The following SEMA6D variants were observed in gnomAD, a reference collection of about 807,000 sequenced individuals.
The protein encoded by SEMA6D is semaphorin-6D.
SEMA6D carries 35 observed loss-of-function variants against 106.6 expected under a neutral mutation model. That is an observed-to-expected ratio of 0.33 (90% confidence interval 0.25 to 0.44). The LOEUF (loss-of-function observed/expected upper bound fraction) is 0.44. SEMA6D is among the 20% of genes least tolerant of loss of function. The pLI is 1.00. For synonymous variants in SEMA6D, 499 were observed against 487.7 expected, an observed-to-expected ratio of 1.02 and a Z score of -0.31; for missense variants, 1,185 against 1,345.9, an observed-to-expected ratio of 0.88 and a Z score of 1.87.
chr15:47,227,088 C>A (rs1037587924), intron 1 of SEMA6D, among the ~76,000 whole-genome samples: 22 of 152,022 alleles, frequency 1.4e-4, no homozygotes, highest in Non-Finnish European at 2.8e-4. Flanking sequence ...GCAAAGTGAT[C>A]AGGAGCTCAT....
At chr15:47,536,310 T>C (rs1435600720) in intron 3 of SEMA6D, among the ~76,000 whole-genome samples, 2 of 152,124 alleles carry the variant, frequency 1.3e-5, no homozygotes, top group African/African-American at 4.8e-5. Context: ...TAGAAATAAA[T>C]AAGGTATTGT....
intron 2 of SEMA6D, among the ~76,000 whole-genome samples, chr15:47,448,128 G>T (rs1370122633): frequency 6.6e-6 from 1 of 152,068 alleles, no homozygotes; most frequent in Admixed American, 6.6e-5. Flanking sequence ...GCACAGGCTG[G>T]CTTGCTGCTG....
chr15:47,425,139 G>C (rs1408825895), intron 2 of SEMA6D, among the ~76,000 whole-genome samples: 1 of 152,098 alleles, frequency 6.6e-6, no homozygotes, highest in East Asian at 1.9e-4. Flanking sequence ...TGAAAAGTCT[G>C]TCATATTGTG....
intron 3 of SEMA6D, among the ~76,000 whole-genome samples, chr15:47,593,433 A>T (rs1015819630): frequency 1.6e-5 from 2 of 125,056 alleles, no homozygotes; most frequent in African/African-American, 6.0e-5. Context: ...AAAAAAAAAA[A>T]AATTCTATAC....
intron 3 of SEMA6D, among the ~76,000 whole-genome samples, chr15:47,487,693 C>T (rs2043337881): frequency 6.6e-6 from 1 of 152,182 alleles, no homozygotes; most frequent in Non-Finnish European, 1.5e-5. Context: ...ACCTAATTCT[C>T]TCCCTATTTA....
At chr15:47,270,794 G>C (rs1283946629) in intron 1 of SEMA6D, among the ~76,000 whole-genome samples, 4 of 151,946 alleles carry the variant, frequency 2.6e-5, no homozygotes, top group Non-Finnish European at 4.4e-5. Flanking sequence ...GGGAGTTCAA[G>C]ACCAGCCTGG....
chr15:47,321,099 C>G (rs539566449), intron 1 of SEMA6D, among the ~76,000 whole-genome samples: 1 of 152,268 alleles, frequency 6.6e-6, no homozygotes, highest in South Asian at 2.1e-4. Flanking sequence ...CTTTATTACT[C>G]ATGCAGTATT....
intron 1 of SEMA6D, among the ~76,000 whole-genome samples, chr15:47,408,206 C>T (rs1275952140): frequency 6.6e-6 from 1 of 152,078 alleles, no homozygotes; most frequent in African/African-American, 2.4e-5. Context: ...GGATTGAGCC[C>T]CGTCTCTGCC....
chr15:47,286,410 T>G (rs1209710996), intron 1 of SEMA6D, among the ~76,000 whole-genome samples: 1 of 152,208 alleles, frequency 6.6e-6, no homozygotes, highest in Non-Finnish European at 1.5e-5. Flanking sequence ...TTATAAAATA[T>G]GTATTGATTC....
intron 3 of SEMA6D, among the ~76,000 whole-genome samples, chr15:47,589,263 T>A (rs2076395960): frequency 6.6e-6 from 1 of 152,190 alleles, no homozygotes. Flanking sequence ...GGATGGGAAA[T>A]ACTTTCATGT....
At chr15:47,741,788 G>A (rs2080835362) in intron 1 of SEMA6D, among the ~76,000 whole-genome samples, 1 of 152,184 alleles carries the variant, frequency 6.6e-6, no homozygotes, top group African/African-American at 2.4e-5. Flanking sequence ...GAGCAGACAT[G>A]TGAAATATTT....
intron 1 of SEMA6D, among the ~76,000 whole-genome samples, chr15:47,355,936 C>G (rs1048179766): frequency 6.6e-6 from 1 of 152,190 alleles, no homozygotes; most frequent in Non-Finnish European, 1.5e-5. Context: ...TATTTCTAAA[C>G]ATGACATTCT....
intron 1 of SEMA6D, among the ~76,000 whole-genome samples, chr15:47,745,593 C>T (rs895830740): frequency 1.3e-5 from 2 of 152,238 alleles, no homozygotes; most frequent in African/African-American, 4.8e-5. Flanking sequence ...TTGACCTAAA[C>T]TCCCATTTTG....
chr15:47,416,455 A>G (rs2040971525), intron 2 of SEMA6D, among the ~76,000 whole-genome samples: 1 of 152,146 alleles, frequency 6.6e-6, no homozygotes, highest in Non-Finnish European at 1.5e-5. Flanking sequence ...TGTTGTCCTA[A>G]AATACTCCAC....
intron 1 of SEMA6D, among the ~76,000 whole-genome samples, chr15:47,731,434 C>T (rs1464480946): frequency 1.3e-5 from 2 of 152,080 alleles, no homozygotes; most frequent in African/African-American, 2.4e-5. Flanking sequence ...TGTAGGCCTG[C>T]ATCCAAGGAC....
intron 4 of SEMA6D, among the ~76,000 whole-genome samples, chr15:47,620,125 A>G (rs2077072853): frequency 1.3e-5 from 2 of 152,262 alleles, no homozygotes; most frequent in South Asian, 2.1e-4. Context: ...TGATCCTCCC[A>G]TCTTTTGCCC....
At chr15:47,378,218 C>T (rs951921435) in intron 1 of SEMA6D, among the ~76,000 whole-genome samples, 1 of 152,138 alleles carries the variant, frequency 6.6e-6, no homozygotes, top group African/African-American at 2.4e-5. Context: ...ATTGAAAGGC[C>T]AGGCACGGTG....
At chr15:47,769,355 G>T (rs1224699918) in intron 18 of SEMA6D, among the ~76,000 whole-genome samples, 1 of 152,054 alleles carries the variant, frequency 6.6e-6, no homozygotes, top group Non-Finnish European at 1.5e-5. Flanking sequence ...CTAAACTATG[G>T]TATCAGGTTT....
At chr15:47,305,173 C>T (rs1197420728) in intron 1 of SEMA6D, among the ~76,000 whole-genome samples, 2 of 152,188 alleles carry the variant, frequency 1.3e-5, no homozygotes, top group East Asian at 3.9e-4. Flanking sequence ...ACAAGGTTTC[C>T]AGGTGATTAT....
Sources: gnomAD v4.1 joint callset for allele counts (sites outside exome capture counted in the v4.1 genomes callset) on GRCh38, gnomAD v4.1.1 for gene constraint, MANE v1.5 for transcripts, NCBI Gene and HGNC (gene_info 2026-07-23, HGNC 2026-07-21) for gene names.